Variants in HAGH observed in about 807,000 individuals in gnomAD.
HAGH encodes the protein hydroxyacylglutathione hydrolase, mitochondrial.
A neutral mutation model predicts 35.1 loss-of-function variants in HAGH; 29 were observed. That is an observed-to-expected ratio of 0.83 (90% CI 0.62 to 1.13). The LOEUF (loss-of-function observed/expected upper bound fraction) is 1.13. Among genes scored for constraint, HAGH ranks in the 50% most tolerant of loss-of-function variants. The probability of loss-of-function intolerance (pLI) is 0.00; values close to 1 mark genes in which losing one functional copy is unlikely to be tolerated. For synonymous variants in HAGH, 225 were observed against 176.1 expected, an observed-to-expected ratio of 1.28 and a Z score of -2.20; for missense variants, 478 against 419.6, an observed-to-expected ratio of 1.14 and a Z score of -1.22.
At chr16:1,821,194 T>A (rs1304986019) in intron 3 of HAGH, among the ~76,000 whole-genome samples, 1 of 152,182 alleles carries the variant, frequency 6.6e-6, no homozygotes, top group African/African-American at 2.4e-5. Context: ...CCCAGGTCCC[T>A]GCACGGACAC....
At chr16:1,809,676 G>A (rs548135236) in intron 8 of HAGH, 78 bp downstream of exon 8, 16 of 1,060,480 alleles carry the variant, frequency 1.5e-5, no homozygotes, top group South Asian at 5.1e-5. Flanking sequence ...CTGGGGTCTC[G>A]GACGTACCGG....
intron 1 of HAGH, among the ~76,000 whole-genome samples, chr16:1,824,130 G>A (rs540593226): frequency 6.6e-6 from 1 of 151,984 alleles, no homozygotes; most frequent in East Asian, 1.9e-4. Flanking sequence ...GCTGAGGCAG[G>A]AGAATTGCTT....
At chr16:1,825,857 C>T (rs1422400799) in intron 1 of HAGH, among the ~76,000 whole-genome samples, 1 of 152,164 alleles carries the variant, frequency 6.6e-6, no homozygotes, top group African/African-American at 2.4e-5. Flanking sequence ...GACAGGCGTG[C>T]GTCACTGCAC....
At chr16:1,823,317 G>C (rs1244198550) in intron 1 of HAGH, among the ~76,000 whole-genome samples, 1 of 148,964 alleles carries the variant, frequency 6.7e-6, no homozygotes, top group Non-Finnish European at 1.5e-5. Context: ...GCCCAGGCTG[G>C]AGTGCAGTGG....
chr16:1,820,996 G>C (rs919803104), intron 3 of HAGH, among the ~76,000 whole-genome samples: 1 of 152,202 alleles, frequency 6.6e-6, no homozygotes, highest in Non-Finnish European at 1.5e-5. Context: ...CGGCGAGGCC[G>C]GGAGAGGCAG....
chr16:1,820,353 T>TG (rs1258271803), intron 3 of HAGH, among the ~76,000 whole-genome samples: 2 of 151,484 alleles, frequency 1.3e-5, no homozygotes, highest in South Asian at 2.1e-4. Flanking sequence ...GGGAGAGGCC[T>TG]GGGGTGGATT....
intron 8 of HAGH, 54 bp from the exon 9 acceptor site, chr16:1,809,436 A>G: frequency 1.4e-6 from 2 of 1,416,576 alleles, no homozygotes; most frequent in African/African-American, 2.8e-5. Context: ...CCACCGGAGG[A>G]GCCAGGGCCA....
chr16:1,826,125 G>T (rs1178861110), intron 1 of HAGH, among the ~76,000 whole-genome samples: 1 of 152,172 alleles, frequency 6.6e-6, no homozygotes, highest in Non-Finnish European at 1.5e-5. Flanking sequence ...GCGAGATCTG[G>T]AAACCGCCAG....
intron 7 of HAGH, among the ~76,000 whole-genome samples, chr16:1,811,212 G>C (rs546131809): frequency 1.3e-5 from 2 of 151,920 alleles, no homozygotes; most frequent in African/African-American, 4.8e-5. Context: ...TCAGGAGTTC[G>C]AGACCAGCCT....
At position 1,821,951 on chromosome 16, in the gene HAGH, TG is replaced by T. The variant is rs1296944757; in HGVS notation, c.314+348del. 1.3e-4 allele frequency: 18 copies of T among 135,290 alleles called. 1 individual carries two copies. Among genetic ancestry groups the T allele is most frequent in the South Asian group, 5.7e-4 (3 of 5,218 alleles). 8.4% of individuals were successfully genotyped at this position (135,290 alleles called of 1,614,324 possible). A position where few individuals can be genotyped will look rare whatever the true frequency, so the allele number is the denominator to read the frequency against. On this transcript the variant is annotated intron_variant, in intron 3 of 8. Transcript: ENST00000397356. ...GGCTGCTTGTTTTTTTTTGTTTTTTTGTTTTTTTTTTTTTTAAAAACCACTC... is the reference window on the plus strand; with the variant it reads ...GGCTGCTTGTTTTTTTTTGTTTTTTTTTTTTTTTTTTTTTAAAAACCACTC...
chr16:1,818,994 C>A (rs565726956), intron 5 of HAGH, 121 bp downstream of exon 5: 3 of 665,886 alleles, frequency 4.5e-6, no homozygotes, highest in Non-Finnish European at 8.2e-6. Context: ...AGCACCCACC[C>A]CTGGGCCCCC....
intron 3 of HAGH, among the ~76,000 whole-genome samples, chr16:1,820,464 G>C (rs184330657): frequency 2.1e-4 from 32 of 152,220 alleles, no homozygotes; most frequent in Admixed American, 5.9e-4. Context: ...TTTGTGGCCC[G>C]ACACTCTGGC....
intron 1 of HAGH, 113 bp from the exon 2 acceptor site, chr16:1,823,150 G>A (rs1898231276): frequency 1.1e-6 from 1 of 883,924 alleles, no homozygotes; most frequent in South Asian, 1.5e-5. Flanking sequence ...GGAATATTCT[G>A]GCCAGGTATG....
At chr16:1,827,109 C>T, upstream of HAGH, 5 of 1,354,372 alleles carry the variant, frequency 3.7e-6, no homozygotes, top group Non-Finnish European at 5.0e-6. Context: ...GGGTACCCGG[C>T]AGATCGCGAG....
At position 1,809,083 on chromosome 16, in the gene HAGH, A is replaced by G. The variant is rs568939148; in HGVS notation, c.*200T>C. ...AAGCAGAGGCCTAAAGGCCAGAAGA[A>G]AACAGTCTGCAAGGGGAAGTTATGG... On this transcript the variant is annotated 3_prime_UTR_variant, in exon 9 of 9. Transcript: ENST00000397356. 3.7e-6 allele frequency: 2 copies of G among 543,658 alleles called. No homozygotes were observed. Among genetic ancestry groups the G allele is most frequent in the Non-Finnish European group, 6.6e-6 (2 of 304,642 alleles). The allele number at this position is 543,658 out of a possible 1,614,324, so 33.7% of individuals were successfully genotyped here.
chr16:1,814,474 CAAAA>C (rs57787455), intron 7 of HAGH, among the ~76,000 whole-genome samples: 1 of 95,056 alleles, frequency 1.1e-5, no homozygotes, highest in Non-Finnish European at 2.2e-5. Context: ...AACTCCGTCT[CAAAA>C]AAAAAAAAAA....
In HAGH at chr16:1,809,687, CTG is replaced by C. The variant is rs980944503; in HGVS notation, c.827+65_827+66del. ...CCATCTGGGGTCTCGGACGTACCGG[CTG>C]TGTGTGCAGCAGTGGGACTGCCAGA... On this transcript the variant is annotated intron_variant, in intron 8 of 8. Coordinates refer to ENST00000397356, the MANE Select transcript of HAGH (RefSeq NM_005326.6). 226 of 1,138,992 alleles carry C rather than the reference CTG, an allele frequency of 2.0e-4. 1 individual carries two copies. The African/African-American group carries it at 3.2e-3, about 16-fold the overall frequency. The allele number at this position is 1,138,992 out of a possible 1,614,324, so 70.6% of individuals were successfully genotyped here.
intron 7 of HAGH, among the ~76,000 whole-genome samples, chr16:1,814,553 T>C (rs1897802203): frequency 6.7e-6 from 1 of 149,908 alleles, no homozygotes; most frequent in South Asian, 2.1e-4. Context: ...CAAAAGACAA[T>C]GTTAAGAAAA....
Position 1,808,476 on chromosome 16 carries a change from A to AT in HAGH, c.*806dup, listed in dbSNP as rs1202433860. 6.6e-6 allele frequency: 1 copy of AT among 151,686 alleles called. No homozygotes were observed. Among genetic ancestry groups the AT allele is most frequent in the Non-Finnish European group, 1.5e-5 (1 of 67,994 alleles). 9.4% of individuals were successfully genotyped at this position (151,686 alleles called of 1,614,324 possible). ...CCACCACACCTGGCTAATTTTTTGTATTTTTAGTAGAGACGGGGTTTCACC... is the reference window on the plus strand; with the variant it reads ...CCACCACACCTGGCTAATTTTTTGTATTTTTTAGTAGAGACGGGGTTTCACC... On this transcript the variant is annotated 3_prime_UTR_variant, in exon 9 of 9. Transcript: ENST00000397356.
Sources: allele counts gnomAD v4.1 joint callset (sites outside exome capture counted in the v4.1 genomes callset), GRCh38; gene constraint gnomAD v4.1.1; transcripts MANE v1.5; gene names NCBI Gene and HGNC (gene_info 2026-07-23, HGNC 2026-07-21).